The following DDR2 variants were observed in gnomAD, a reference collection of about 807,000 sequenced individuals.
DDR2 encodes the protein discoidin domain receptor tyrosine kinase 2, also known as discoidin domain-containing receptor 2.
A neutral mutation model predicts 94.9 loss-of-function variants in DDR2; 27 were observed. That is an observed-to-expected ratio of 0.28 (90% CI 0.21 to 0.39). The LOEUF is 0.39. Ranked by LOEUF, DDR2 falls within the 10% of genes least tolerant of loss-of-function variation. DDR2 has a pLI of 1.00. For missense variants in DDR2, 783 were observed against 1,076.0 expected, an observed-to-expected ratio of 0.73 and a Z score of 3.81; for synonymous variants, 382 against 377.2, an observed-to-expected ratio of 1.01 and a Z score of -0.15.
chr1:162,762,674 C>T (rs142521866), intron 9 of DDR2, among the ~76,000 whole-genome samples: 29 of 152,330 alleles, frequency 1.9e-4, no homozygotes, highest in African/African-American at 7.0e-4. Flanking sequence ...CGTGACTTAT[C>T]TTCCCCTTTA....
rs1003570871 is a variant in DDR2, at chr1:162,668,503, C to T, written c.-28+13129C>T. Among the ~76,000 whole-genome samples the T allele has an allele frequency of 2.6e-5, 4 of 152,166 alleles. No individual in the cohort carries two copies. The South Asian group carries it at 8.3e-4, about 32-fold the overall frequency. On this transcript the variant is annotated intron_variant, in intron 2 of 17. Transcript: ENST00000367921. ...TCCAAGATCAAGGTGTCAGCAGGGC[C>T]ATATTCCCTCTGAAGGTTCTAGAGA...
intron 9 of DDR2, among the ~76,000 whole-genome samples, chr1:162,764,952 A>G (rs1295176193): frequency 1.3e-5 from 2 of 152,210 alleles, no homozygotes; most frequent in Non-Finnish European, 2.9e-5. Flanking sequence ...AAAATAGAGC[A>G]TATTTTTAGG....
chr1:162,657,942 G>A (rs1439677063), intron 2 of DDR2, among the ~76,000 whole-genome samples: 3 of 150,822 alleles, frequency 2.0e-5, no homozygotes, highest in Non-Finnish European at 4.4e-5. Flanking sequence ...TCTTTCCATC[G>A]CCTTCTCTTT....
intron 3 of DDR2, among the ~76,000 whole-genome samples, chr1:162,731,292 A>C (rs779557431): frequency 6.6e-6 from 1 of 152,244 alleles, no homozygotes; most frequent in Non-Finnish European, 1.5e-5. Context: ...ACCCATCATC[A>C]GCCAGTGGTA....
rs201041695 is a variant in DDR2 at position 162,778,713 on chromosome 1, G to A, written c.2417G>A (p.Arg806Gln). The stretch of plus-strand genomic sequence containing the variant: ...ATTGAGAATACTGGAGAGTTCTTCC[G>A]AGACCAAGGGAGGCAGGTAAGAACT... ...QVIENTGEFF[R>Q]DQGRQTYLPQ... The change falls in exon 17 of 18, where the codon CGA becomes CAA. Residue 806 changes from arginine (R) to glutamine (Q), a missense_variant. By Grantham distance (43) the Arg-to-Gln change is conservative. Coordinates refer to ENST00000367921, the MANE Select transcript of DDR2 (RefSeq NM_006182.4). The A allele has an allele frequency of 5.6e-6, 9 of 1,613,730 alleles. No individual in the cohort carries two copies. The highest frequency in any genetic ancestry group is 3.3e-5 in the Admixed American group (2 of 59,964).
At chr1:162,719,733 T>C (rs1022231814) in intron 3 of DDR2, among the ~76,000 whole-genome samples, 1 of 152,240 alleles carries the variant, frequency 6.6e-6, no homozygotes, top group Non-Finnish European at 1.5e-5. Context: ...TATTACACAA[T>C]AATGCTGCTT....
intron 1 of DDR2, among the ~76,000 whole-genome samples, chr1:162,641,289 T>TA (rs1278243401): frequency 6.6e-6 from 1 of 152,208 alleles, no homozygotes; most frequent in Non-Finnish European, 1.5e-5. Context: ...CACATCCCCA[T>TA]ATTCACTTTC....
intron 7 of DDR2, among the ~76,000 whole-genome samples, chr1:162,758,122 T>C (rs1663547310): frequency 1.3e-5 from 2 of 151,570 alleles, no homozygotes; most frequent in Non-Finnish European, 2.9e-5. Flanking sequence ...AGACATTCAG[T>C]AGAGAAATAA....
rs569211185 is a variant in DDR2 at position 162,765,980 on chromosome 1, C to T, written c.1100-21C>T. 9 of 1,613,696 alleles carry T rather than the reference C, an allele frequency of 5.6e-6. No individual in the cohort carries two copies. The African/African-American group carries it at 1.2e-4, about 22-fold the overall frequency. ...CTGTCTGTCTTCTCCCTGGCTCTGA[C>T]TCACCCTTGTTTTATAACAGATGCT... On this transcript the variant is annotated intron_variant, in intron 9 of 17. Coordinates refer to ENST00000367921, the MANE Select transcript of DDR2 (RefSeq NM_006182.4).
At chr1:162,676,963 A>G (rs187224035) in intron 2 of DDR2, among the ~76,000 whole-genome samples, 6 of 152,258 alleles carry the variant, frequency 3.9e-5, no homozygotes, top group Non-Finnish European at 8.8e-5. Context: ...TGCCCTTCCT[A>G]TGAGAAATAA....
At chr1:162,757,171 A>G (rs1015523198) in intron 7 of DDR2, among the ~76,000 whole-genome samples, 1 of 152,226 alleles carries the variant, frequency 6.6e-6, no homozygotes, top group African/African-American at 2.4e-5. Context: ...AATAAAAGTT[A>G]CTTCTGTTTG....
intron 2 of DDR2, among the ~76,000 whole-genome samples, chr1:162,711,575 G>A (rs1660917359): frequency 1.3e-5 from 2 of 152,192 alleles, no homozygotes; most frequent in Admixed American, 6.5e-5. Flanking sequence ...CTCCTGAGGG[G>A]CTTAGGAAGA....
chr1:162,649,999 A>G (rs1189742155), intron 1 of DDR2, among the ~76,000 whole-genome samples: 1 of 152,194 alleles, frequency 6.6e-6, no homozygotes, highest in Admixed American at 6.5e-5. Context: ...TACCTGGAAG[A>G]AGGTAAAGGA....
chr1:162,694,584 A>G (rs971430096), intron 2 of DDR2, among the ~76,000 whole-genome samples: 1 of 151,728 alleles, frequency 6.6e-6, no homozygotes, highest in Admixed American at 6.6e-5. Context: ...TTTGTCATTG[A>G]TTTTTCTTTT....
At chr1:162,704,382 CAT>C (rs1660561901) in intron 2 of DDR2, among the ~76,000 whole-genome samples, 1 of 152,094 alleles carries the variant, frequency 6.6e-6, no homozygotes, top group African/African-American at 2.4e-5. Context: ...ATTCATTGTC[CAT>C]GTGTGGAGTT....
chr1:162,631,307 C>T (rs898237197), upstream of DDR2: 5 of 152,198 alleles, frequency 3.3e-5, no homozygotes, highest in African/African-American at 1.2e-4. Context: ...TTTCCATCCT[C>T]CCTTTCCTGT....
chr1:162,709,688 G>A (rs1020634156), intron 2 of DDR2, among the ~76,000 whole-genome samples: 3 of 152,188 alleles, frequency 2.0e-5, no homozygotes, highest in Non-Finnish European at 2.9e-5. Flanking sequence ...CAAGGGCTGC[G>A]GAGCCTGGGA....
chr1:162,765,844 A>AT (rs1345019500), intron 9 of DDR2, among the ~76,000 whole-genome samples, 157 bp from the exon 10 acceptor site: 4 of 151,028 alleles, frequency 2.6e-5, no homozygotes, highest in African/African-American at 4.9e-5. Context: ...ATAAATGGTG[A>AT]TTTTTTATTC....
At chr1:162,674,408 A>G (rs911708095) in intron 2 of DDR2, among the ~76,000 whole-genome samples, 9 of 152,352 alleles carry the variant, frequency 5.9e-5, no homozygotes, top group Admixed American at 1.3e-4. Flanking sequence ...ATTACCTAGC[A>G]CTTAACACAG....
Sources: allele counts gnomAD v4.1 joint callset (sites outside exome capture counted in the v4.1 genomes callset), GRCh38; gene constraint gnomAD v4.1.1; transcripts MANE v1.5; gene names NCBI Gene and HGNC (gene_info 2026-07-23, HGNC 2026-07-21).